The following GABRA2 variants were observed in gnomAD, a reference collection of about 807,000 sequenced individuals.
GABRA2 encodes the protein gamma-aminobutyric acid type A receptor subunit alpha2.
In GABRA2, 16 loss-of-function variants were observed where a neutral mutation model predicts 48.7. The ratio of observed to expected loss-of-function variants is 0.33; its 90% CI spans 0.22 to 0.50. The LOEUF (loss-of-function observed/expected upper bound fraction) is 0.50, where lower values mean the gene tolerates loss of function less well. GABRA2 is among the 20% of genes least tolerant of loss of function. GABRA2 has a pLI of 0.98. For synonymous variants in GABRA2, 185 were observed against 184.5 expected (o/e 1.00, Z -0.02); for missense variants, 275 against 535.6 (o/e 0.51, Z 4.80).
intron 4 of GABRA2, among the ~76,000 whole-genome samples, chr4:46,330,591 T>TATATATAG (rs1411755120): frequency 1.6e-5 from 2 of 122,688 alleles, no homozygotes; most frequent in African/African-American, 2.8e-5. Context: ...TATATATATA[T>TATATATAG]AGAGAGAGAG....
At chr4:46,307,848 G>T (rs1263589373) in intron 6 of GABRA2, among the ~76,000 whole-genome samples, 1 of 152,134 alleles carries the variant, frequency 6.6e-6, no homozygotes, top group Non-Finnish European at 1.5e-5. Context: ...TGAAAATAAT[G>T]CAGCAGAAAT....
chr4:46,266,621 T>C (rs940120566), intron 8 of GABRA2, among the ~76,000 whole-genome samples: 17 of 151,672 alleles, frequency 1.1e-4, no homozygotes, highest in African/African-American at 4.1e-4. Flanking sequence ...TTTCTTAGCG[T>C]TTACTTTATT....
At position 46,328,271 on chromosome 4, in the gene GABRA2, A is replaced by AGTGTGTGT. The variant is rs71193862; in HGVS notation, c.255+4336_255+4343dup. On this transcript the variant is annotated intron_variant, in intron 4 of 9. Coordinates refer to ENST00000381620, the MANE Select transcript of GABRA2 (RefSeq NM_000807.4). ...CTACTTAATGATTCCAAGATAGCAG[A>AGTGTGTGT]GTGTGTGTGTGTGTGTGTGTGTGTG... Among the ~76,000 whole-genome samples, 59 of 128,680 alleles carry AGTGTGTGT rather than the reference A, an allele frequency of 4.6e-4. 1 individual carries two copies. The East Asian group carries it at 0.013, about 29-fold the overall frequency. The allele number at this position is 128,680 out of a possible 152,430, so 84.4% of individuals were successfully genotyped here.
At chr4:46,319,076 C>A (rs1196820942) in intron 4 of GABRA2, among the ~76,000 whole-genome samples, 1 of 151,684 alleles carries the variant, frequency 6.6e-6, no homozygotes, top group Non-Finnish European at 1.5e-5. Flanking sequence ...CAGTAAACTC[C>A]TTAAGTGTTA....
At chr4:46,283,804 G>T (rs900222907) in intron 8 of GABRA2, among the ~76,000 whole-genome samples, 3 of 152,158 alleles carry the variant, frequency 2.0e-5, no homozygotes, top group African/African-American at 7.2e-5. Context: ...CTGTCACCCA[G>T]GCCGGAGTGC....
At position 46,245,598 on chromosome 4, in the gene GABRA2, G is replaced by A. The variant is rs573047325; in HGVS notation, c.*4710C>T. Among the ~76,000 whole-genome samples the A allele has an allele frequency of 6.6e-6, 1 of 151,330 alleles. No individual in the cohort carries two copies. The highest frequency in any genetic ancestry group is 2.1e-4 in the South Asian group (1 of 4,818). On this transcript the variant is annotated 3_prime_UTR_variant, in exon 10 of 10. Coordinates refer to ENST00000381620, the MANE Select transcript of GABRA2 (RefSeq NM_000807.4). The stretch of plus-strand genomic sequence containing the variant: ...GTTAATTGCTAGTTTAATAAGAGCT[G>A]AATTTGTGATAAGATCCATTAATAA...
intron 3 of GABRA2, chr4:46,369,076 G>A (rs1714489361): frequency 1.5e-6 from 1 of 681,546 alleles, no homozygotes; most frequent in South Asian, 1.5e-5. Flanking sequence ...CTAAAAGTTA[G>A]AAATCTGGCA....
chr4:46,334,198 C>T (rs774936713), intron 3 of GABRA2, among the ~76,000 whole-genome samples: 1 of 151,982 alleles, frequency 6.6e-6, no homozygotes, highest in African/African-American at 2.4e-5. Flanking sequence ...CAGAAAAGTC[C>T]CATGCTTCAT....
chr4:46,389,314 C>G (rs1717915195), intron 1 of GABRA2: 2 of 985,520 alleles, frequency 2.0e-6, no homozygotes, highest in South Asian at 9.4e-5. Context: ...TGCCCACCCA[C>G]GGTTGCCCAA....
intron 9 of GABRA2, among the ~76,000 whole-genome samples, chr4:46,253,521 A>G (rs1715225508): frequency 6.6e-6 from 1 of 151,542 alleles, no homozygotes; most frequent in Admixed American, 6.6e-5. Context: ...ATTGACAGCT[A>G]TAAATAACAA....
rs1263622811 is a variant in GABRA2, at chr4:46,305,576, G to C, written c.695C>G (p.Ser232Cys). 1.9e-5 allele frequency: 30 copies of C among 1,613,528 alleles called. No homozygotes were observed. The highest frequency in any genetic ancestry group is 2.5e-5 in the Non-Finnish European group (30 of 1,179,864). The stretch of plus-strand genomic sequence containing the variant: ...AGACTAATTTTACTAACCTGTACTG[G>C]ATTTAATTGTCTCCTTTCCGATTGA... ...GQSIGKETIK[S>C]STGEYTVMTA... Residue 232 changes from serine to cysteine, a missense_variant, in exon 7 of 10, where the codon TCC (serine) becomes TGC (cysteine). Around this residue, in one of 4 missense-constraint regions of GABRA2, gnomAD observed 113 missense variants for 257.1 expected, o/e 0.44. Coordinates refer to ENST00000381620, the MANE Select transcript of GABRA2 (RefSeq NM_000807.4).
chr4:46,356,134 T>G (rs1735923976), intron 3 of GABRA2, among the ~76,000 whole-genome samples: 1 of 152,168 alleles, frequency 6.6e-6, no homozygotes, highest in African/African-American at 2.4e-5. Flanking sequence ...CCTTAAACTC[T>G]TAAAATAAAT....
At chr4:46,337,056 A>G (rs1368959003) in intron 3 of GABRA2, among the ~76,000 whole-genome samples, 1 of 152,140 alleles carries the variant, frequency 6.6e-6, no homozygotes, top group African/African-American at 2.4e-5. Context: ...ATTATGATTT[A>G]TTTTACGATT....
chr4:46,329,858 G>C (rs1397905147), intron 4 of GABRA2, among the ~76,000 whole-genome samples: 1 of 152,014 alleles, frequency 6.6e-6, no homozygotes, highest in African/African-American at 2.4e-5. Context: ...AATAAAGACA[G>C]AAATAAAGTA....
intron 8 of GABRA2, among the ~76,000 whole-genome samples, chr4:46,294,693 A>G (rs1724307103): frequency 6.6e-6 from 1 of 152,196 alleles, no homozygotes; most frequent in Non-Finnish European, 1.5e-5. Flanking sequence ...ACCCCAATGG[A>G]CATCTCTAAG....
At chr4:46,250,716 T>A in intron 9 of GABRA2, 112 bp from the exon 10 acceptor site, 1 of 742,950 alleles carries the variant, frequency 1.3e-6, no homozygotes, top group East Asian at 2.7e-5. Context: ...TCATCATGCA[T>A]TAGCAAAAAA....
chr4:46,282,147 G>C (rs1249549329), intron 8 of GABRA2, among the ~76,000 whole-genome samples: 1 of 152,162 alleles, frequency 6.6e-6, no homozygotes, highest in Non-Finnish European at 1.5e-5. Context: ...AGCAGAGTGA[G>C]GGTGCATGAT....
chr4:46,356,403 T>C (rs1735971075), intron 3 of GABRA2, among the ~76,000 whole-genome samples: 1 of 150,214 alleles, frequency 6.7e-6, no homozygotes, highest in African/African-American at 2.5e-5. Flanking sequence ...GAAAACATAC[T>C]TGCAATTATC....
chr4:46,300,000 T>C (rs967405917), intron 8 of GABRA2, among the ~76,000 whole-genome samples: 1 of 151,984 alleles, frequency 6.6e-6, no homozygotes, highest in African/African-American at 2.4e-5. Context: ...ATGTGGCTTA[T>C]TATAAAGTAG....
Sources: allele counts gnomAD v4.1 joint callset (sites outside exome capture counted in the v4.1 genomes callset), GRCh38; gene constraint gnomAD v4.1.1; regional missense constraint gnomAD v4.1.1; transcripts MANE v1.5; gene names NCBI Gene and HGNC (gene_info 2026-07-23, HGNC 2026-07-21).